ENTREP2: variants seen among roughly 807,000 people sequenced by gnomAD.
The protein encoded by ENTREP2 is endosomal transmembrane epsin interactor 2.
At chr15:29,555,717 GA>G in the ENTREP2 span, among the ~76,000 whole-genome samples, 2 of 152,204 alleles carry the variant, frequency 1.3e-5, no homozygotes. Flanking sequence ...GCACCAGGAA[GA>G]AAGGCACCAA....
At chr15:29,557,562 GGAT>G in the ENTREP2 span, among the ~76,000 whole-genome samples, 1 of 152,182 alleles carries the variant, frequency 6.6e-6, no homozygotes, top group African/African-American at 2.4e-5. Flanking sequence ...CTAGTTATCT[GGAT>G]GATGTGGGTC....
the ENTREP2 span, among the ~76,000 whole-genome samples, chr15:29,413,536 C>T: frequency 6.6e-6 from 1 of 152,126 alleles, no homozygotes; most frequent in African/African-American, 2.4e-5. Context: ...ATGGCTCTGC[C>T]AATATTCTTT....
the ENTREP2 span, among the ~76,000 whole-genome samples, chr15:29,373,115 T>C: frequency 0.086 from 13,035 of 151,680 alleles, 638 homozygotes; most frequent in South Asian, 0.11. Flanking sequence ...CAAGACAAAC[T>C]GGGATAAAAT....
the ENTREP2 span, among the ~76,000 whole-genome samples, chr15:29,436,615 A>G: frequency 6.6e-6 from 1 of 152,204 alleles, no homozygotes; most frequent in Admixed American, 6.5e-5. Flanking sequence ...AAAATCATCT[A>G]CTTCTAAATT....
the ENTREP2 span, among the ~76,000 whole-genome samples, chr15:29,368,352 A>C: frequency 6.6e-6 from 1 of 151,078 alleles, no homozygotes; most frequent in African/African-American, 2.4e-5. Context: ...ATATATATAT[A>C]TCTAGCTCAC....
the ENTREP2 span, among the ~76,000 whole-genome samples, chr15:29,648,863 A>G: frequency 6.6e-6 from 1 of 151,508 alleles, no homozygotes; most frequent in Non-Finnish European, 1.5e-5. Context: ...TGCTTGAACT[A>G]GGGAGGCGGA....
chr15:29,574,683 A>G, the ENTREP2 span, among the ~76,000 whole-genome samples: 1 of 152,226 alleles, frequency 6.6e-6, no homozygotes, highest in African/African-American at 2.4e-5. Flanking sequence ...TGGGGAGACA[A>G]GGAACACTTA....
chr15:29,553,872 T>C, the ENTREP2 span, among the ~76,000 whole-genome samples: 1 of 151,988 alleles, frequency 6.6e-6, no homozygotes, highest in East Asian at 1.9e-4. Flanking sequence ...TCCAACACAA[T>C]CACATGAGAC....
At chr15:29,640,171 G>A in the ENTREP2 span, among the ~76,000 whole-genome samples, 41 of 152,274 alleles carry the variant, frequency 2.7e-4, no homozygotes, top group African/African-American at 9.1e-4. Flanking sequence ...AGAAATGAAT[G>A]AGAAGCCATT....
the ENTREP2 span, among the ~76,000 whole-genome samples, chr15:29,453,224 A>C: frequency 6.6e-6 from 1 of 152,190 alleles, no homozygotes; most frequent in Non-Finnish European, 1.5e-5. Context: ...ATCTGCACTT[A>C]AGCCTCAGAG....
the ENTREP2 span, among the ~76,000 whole-genome samples, chr15:29,473,425 G>A: frequency 4.6e-5 from 7 of 152,074 alleles, no homozygotes; most frequent in South Asian, 2.1e-4. Flanking sequence ...GATTCCCTGC[G>A]GCAATCCAGA....
chr15:29,238,523 T>C, the ENTREP2 span, among the ~76,000 whole-genome samples: 1 of 152,006 alleles, frequency 6.6e-6, no homozygotes, highest in South Asian at 2.1e-4. Flanking sequence ...TAGTCCCAGC[T>C]ACTCGGGAGG....
At chr15:29,164,265 CAAAAACA>C in the ENTREP2 span, among the ~76,000 whole-genome samples, 5 of 151,944 alleles carry the variant, frequency 3.3e-5, no homozygotes, top group Admixed American at 6.5e-5. Context: ...AGTTAAAAGG[CAAAAACA>C]AAAAACAAAA....
chr15:29,208,923 A>T, the ENTREP2 span, among the ~76,000 whole-genome samples: 1 of 152,204 alleles, frequency 6.6e-6, no homozygotes, highest in African/African-American at 2.4e-5. Flanking sequence ...AGCAAGAAAT[A>T]AAAGGGTCAA....
the ENTREP2 span, among the ~76,000 whole-genome samples, chr15:29,155,579 A>G: frequency 2.0e-5 from 3 of 152,096 alleles, no homozygotes; most frequent in Admixed American, 2.0e-4. Flanking sequence ...TCTGCCCTCG[A>G]TGGTGCTCTG....
At chr15:29,240,715 A>G in the ENTREP2 span, among the ~76,000 whole-genome samples, 1 of 152,222 alleles carries the variant, frequency 6.6e-6, no homozygotes, top group Non-Finnish European at 1.5e-5. Flanking sequence ...CTGTCAAGCC[A>G]AAATATAATG....
chr15:29,385,852 A>G, the ENTREP2 span, among the ~76,000 whole-genome samples: 1 of 152,156 alleles, frequency 6.6e-6, no homozygotes, highest in African/African-American at 2.4e-5. Context: ...TCCTGTGCCC[A>G]TAAAAATCTG....
At chr15:29,573,818 A>G in the ENTREP2 span, among the ~76,000 whole-genome samples, 1 of 151,882 alleles carries the variant, frequency 6.6e-6, no homozygotes, top group Non-Finnish European at 1.5e-5. Context: ...TGTTGGTGGG[A>G]GCTCTGTCCA....
the ENTREP2 span, among the ~76,000 whole-genome samples, chr15:29,575,486 A>G: frequency 6.6e-6 from 1 of 152,292 alleles, no homozygotes; most frequent in South Asian, 2.1e-4. Context: ...CCACTGTTCA[A>G]TATTTTATTG....
Sources: gnomAD v4.1 joint callset for allele counts (sites outside exome capture counted in the v4.1 genomes callset) on GRCh38, gnomAD v4.1.1 for gene constraint, MANE v1.5 for transcripts, NCBI Gene and HGNC (gene_info 2026-07-23, HGNC 2026-07-21) for gene names.